The following CEMIP variants were observed in gnomAD, a reference collection of about 807,000 sequenced individuals.
CEMIP encodes the protein cell migration-inducing and hyaluronan-binding protein.
In CEMIP, 105 loss-of-function variants were observed where a neutral mutation model predicts 156.9. That is an observed-to-expected ratio of 0.67 (90% CI 0.57 to 0.79). The LOEUF (loss-of-function observed/expected upper bound fraction) is 0.79, where lower values mean the gene tolerates loss of function less well. Ranked by LOEUF, CEMIP falls within the 30% of genes least tolerant of loss-of-function variation. CEMIP has a pLI of 0.00. For synonymous variants in CEMIP, 676 were observed against 668.4 expected, an observed-to-expected ratio of 1.01 and a Z score of -0.17; for missense variants, 1,457 against 1,769.4, an observed-to-expected ratio of 0.82 and a Z score of 3.17.
intron 12 of CEMIP, among the ~76,000 whole-genome samples, chr15:80,900,585 G>GGGGGTGT (rs1218716074): frequency 1.3e-5 from 1 of 74,932 alleles, no homozygotes; most frequent in African/African-American, 5.7e-5. Context: ...CCCAGGTAGG[G>GGGGGTGT]GTGTGTGTGT....
chr15:80,859,566 C>T lies in CEMIP; in HGVS notation c.-175-13972C>T, dbSNP rs1405878363. Among the ~76,000 whole-genome samples the T allele has an allele frequency of 3.9e-5, 6 of 152,334 alleles. No homozygotes were observed. In the East Asian group the frequency reaches 9.7e-4, roughly 25 times the overall value. On this transcript the variant is annotated intron_variant, in intron 1 of 29. Coordinates refer to ENST00000394685, the MANE Select transcript of CEMIP (RefSeq NM_001293298.2). ...CCCTTGTTTCCAGTTTCAAGGATGC[C>T]TCTAGTTCACAGTCCACATGCCGGA...
chr15:80,804,476 C>T (rs151325746), intron 1 of CEMIP, among the ~76,000 whole-genome samples: 108 of 152,240 alleles, frequency 7.1e-4, no homozygotes, highest in African/African-American at 2.5e-3. Flanking sequence ...GCCATGTGAC[C>T]GGAGGAAGGT....
chr15:80,884,849 A>T (rs190609720), intron 7 of CEMIP, among the ~76,000 whole-genome samples: 1 of 152,344 alleles, frequency 6.6e-6, no homozygotes, highest in Non-Finnish European at 1.5e-5. Flanking sequence ...TGACATTGGC[A>T]TGCACACACA....
intron 1 of CEMIP, among the ~76,000 whole-genome samples, chr15:80,813,789 CA>C (rs1472982070): frequency 6.6e-6 from 1 of 152,158 alleles, no homozygotes; most frequent in African/African-American, 2.4e-5. Flanking sequence ...TTATGCTTTT[CA>C]AAATGATTTT....
chr15:80,839,715 ACTGTGGG>A (rs1216984343), intron 1 of CEMIP, among the ~76,000 whole-genome samples: 1 of 152,152 alleles, frequency 6.6e-6, no homozygotes, highest in Admixed American at 6.5e-5. Flanking sequence ...CCTCCCTTGG[ACTGTGGG>A]CTGTGGGCTG....
chr15:80,803,113 T>C (rs899203107), intron 1 of CEMIP, among the ~76,000 whole-genome samples: 3 of 152,158 alleles, frequency 2.0e-5, no homozygotes, highest in African/African-American at 7.2e-5. Flanking sequence ...AGAGAGTGAT[T>C]CCTCAGCTCA....
chr15:80,802,021 A>G lies in CEMIP; in HGVS notation c.-176+22407A>G, dbSNP rs187470639. On this transcript the variant is annotated intron_variant, in intron 1 of 29. Coordinates refer to ENST00000394685, the MANE Select transcript of CEMIP (RefSeq NM_001293298.2). ...GACTTGAGCATCTGGAGAGTGTGGT[A>G]TCTGAGGGAGTTCCTGGAACTAATG... Among the ~76,000 whole-genome samples, 27 of 152,340 alleles carry G rather than the reference A, an allele frequency of 1.8e-4. No homozygotes were observed. In the East Asian group the frequency reaches 4.8e-3, roughly 27 times the overall value.
chr15:80,835,027 G>A (rs1897239913), intron 1 of CEMIP, among the ~76,000 whole-genome samples: 1 of 152,042 alleles, frequency 6.6e-6, no homozygotes, highest in South Asian at 2.1e-4. Context: ...GGGATTGTTT[G>A]CATTTTTAGG....
chr15:80,856,853 C>G (rs963946121), intron 1 of CEMIP, among the ~76,000 whole-genome samples: 1 of 152,152 alleles, frequency 6.6e-6, no homozygotes, highest in Non-Finnish European at 1.5e-5. Context: ...GCCTTTTGTT[C>G]TATAGCCCAG....
In CEMIP at chr15:80,878,876, A is replaced by T. The variant is rs778613319; in HGVS notation, c.241+9A>T. The T allele has an allele frequency of 1.5e-5, 25 of 1,613,992 alleles. No homozygotes were observed. In the South Asian group the frequency reaches 2.6e-4, roughly 17 times the overall value. On this transcript the variant is annotated intron_variant, in intron 4 of 29. Coordinates refer to ENST00000394685, the MANE Select transcript of CEMIP (RefSeq NM_001293298.2). The stretch of plus-strand genomic sequence containing the variant: ...CCACATCTCAGAGGGAGGTAAGCCA[A>T]TCTCTCTCTGCTGCTCCCTCTTCCC...
At chr15:80,875,820 T>C (rs967778735) in intron 3 of CEMIP, among the ~76,000 whole-genome samples, 51 of 152,008 alleles carry the variant, frequency 3.4e-4, no homozygotes, top group African/African-American at 1.1e-3. Context: ...GAAAAGCCAC[T>C]GACACTGGCC....
intron 3 of CEMIP, among the ~76,000 whole-genome samples, chr15:80,876,091 G>C (rs1407608372): frequency 2.0e-5 from 3 of 152,230 alleles, no homozygotes; most frequent in African/African-American, 7.2e-5. Flanking sequence ...AGTTGCAATG[G>C]CTCCTTCCCA....
intron 1 of CEMIP, among the ~76,000 whole-genome samples, chr15:80,839,236 C>T (rs1454423064): frequency 6.7e-6 from 1 of 150,220 alleles, no homozygotes; most frequent in South Asian, 2.1e-4. Flanking sequence ...CACAGGAAGC[C>T]TCTGTTCAGA....
At chr15:80,868,029 G>T (rs1205367193) in intron 1 of CEMIP, among the ~76,000 whole-genome samples, 1 of 152,132 alleles carries the variant, frequency 6.6e-6, no homozygotes, top group Non-Finnish European at 1.5e-5. Context: ...CTGTTTCTGT[G>T]GTTTCTGGTG....
chr15:80,868,053 A>G (rs148513895), intron 1 of CEMIP, among the ~76,000 whole-genome samples: 2 of 152,158 alleles, frequency 1.3e-5, no homozygotes, highest in African/African-American at 4.8e-5. Flanking sequence ...ACAAAGATAG[A>G]CTTTTGGGTC....
chr15:80,936,901 G>A lies in CEMIP; in HGVS notation c.3221+16G>A. The A allele has an allele frequency of 1.2e-6, 2 of 1,612,176 alleles. No homozygotes were observed. Among genetic ancestry groups the A allele is most frequent in the Non-Finnish European group, 1.7e-6 (2 of 1,178,534 alleles). ...ACTTCAACAAGTGAGTGGGTGTCCA[G>A]CCAGGAGCAGTGAGCTCAAAGCTGA... On this transcript the variant is annotated intron_variant, in intron 24 of 29. Coordinates refer to ENST00000394685, the MANE Select transcript of CEMIP (RefSeq NM_001293298.2).
rs762046944 is a variant in CEMIP at position 80,941,858 on chromosome 15, C to G, written c.3417C>G (p.Phe1139Leu). The G allele has an allele frequency of 6.2e-7, 1 of 1,613,452 alleles. No homozygotes were observed. The highest frequency in any genetic ancestry group is 1.7e-5 in the Admixed American group (1 of 59,990). The change falls in exon 26 of 30, where the codon TTC (phenylalanine) becomes TTG (leucine). Residue 1139 changes from phenylalanine to leucine, a missense_variant. Physicochemically the swap from Phe to Leu is conservative, Grantham distance 22. Coordinates refer to ENST00000394685, the MANE Select transcript of CEMIP (RefSeq NM_001293298.2). ...YYWDEDSGLLFLKLKAQNERE... is the reference protein window; with the variant it reads ...YYWDEDSGLLLLKLKAQNERE... ...TGCTCCTTGTGTGCAGGCTGTTGTT[C>G]CTGAAGCTGAAAGCTCAGAACGAGA...
At chr15:80,928,863 C>T (rs1256124645) in intron 19 of CEMIP, 39 bp from the exon 20 acceptor site, 2 of 1,612,670 alleles carry the variant, frequency 1.2e-6, no homozygotes, top group Non-Finnish European at 1.7e-6. Flanking sequence ...AATGTGAAGC[C>T]AGGGCATGCT....
intron 1 of CEMIP, among the ~76,000 whole-genome samples, chr15:80,840,113 G>C (rs913150288): frequency 2.0e-5 from 3 of 152,218 alleles, no homozygotes; most frequent in Non-Finnish European, 4.4e-5. Flanking sequence ...AAAGTGGAAA[G>C]GGGGGTGTCT....
Sources: allele counts gnomAD v4.1 joint callset (sites outside exome capture counted in the v4.1 genomes callset), GRCh38; gene constraint gnomAD v4.1.1; transcripts MANE v1.5; gene names NCBI Gene and HGNC (gene_info 2026-07-23, HGNC 2026-07-21).